Variants in CEP85L observed in about 807,000 individuals in gnomAD.
CEP85L encodes the protein centrosomal protein of 85 kDa-like.
In CEP85L, 60 loss-of-function variants were observed where a neutral mutation model predicts 100.3. The ratio of observed to expected loss-of-function variants is 0.60; its 90% CI spans 0.49 to 0.74. CEP85L has a LOEUF of 0.74. CEP85L is among the 30% of genes least tolerant of loss of function. The pLI is 0.00. For synonymous variants in CEP85L, 319 were observed against 322.7 expected (o/e 0.99, Z 0.12); for missense variants, 973 against 936.2 (o/e 1.04, Z -0.51).
intron 1 of CEP85L, among the ~76,000 whole-genome samples, chr6:118,659,155 G>A (rs1775889360): frequency 6.6e-6 from 1 of 152,102 alleles, no homozygotes; most frequent in African/African-American, 2.4e-5. Context: ...TTACTACAAT[G>A]AAAACACAAA....
intron 6 of CEP85L, among the ~76,000 whole-genome samples, chr6:118,489,295 G>C (rs1377397677): frequency 6.9e-6 from 1 of 145,630 alleles, no homozygotes; most frequent in African/African-American, 2.5e-5. Flanking sequence ...AAAAATGAGA[G>C]ATAAAGATTT....
In CEP85L at chr6:118,479,908, T is replaced by C; in HGVS notation, c.1877A>G (p.Gln626Arg). The C allele has an allele frequency of 6.7e-7, 1 of 1,493,944 alleles. No individual in the cohort carries two copies. Among genetic ancestry groups the C allele is most frequent in the Non-Finnish European group, 9.1e-7 (1 of 1,095,116 alleles). The allele number at this position is 1,493,944 out of a possible 1,614,324, so 92.5% of individuals were successfully genotyped here. A position where few individuals can be genotyped will look rare whatever the true frequency, so the allele number is the denominator to read the frequency against. The change falls in exon 10 of 13, where the codon CAA becomes CGA. Residue 626 changes from glutamine (Q) to arginine (R), a missense_variant. Physicochemically the swap from Gln to Arg is conservative, Grantham distance 43. Around this residue, in one of 3 missense-constraint regions of CEP85L, gnomAD observed 890 missense variants for 844.5 expected, o/e 1.05. Coordinates refer to ENST00000368491, the MANE Select transcript of CEP85L (RefSeq NM_001042475.3). The part of the protein sequence containing the change: ...NETASKIIDS[Q>R]QDEIDRMILE... ...AATCATTCTGTCAATCTCATCTTGT[T>C]GGCTGTCTATTATCTAAAACAAAAT...
intron 1 of CEP85L, among the ~76,000 whole-genome samples, chr6:118,673,435 G>C (rs139246958): frequency 0.01 from 1,552 of 152,294 alleles, 7 homozygotes; most frequent in South Asian, 0.017. Context: ...GCAAATACCA[G>C]TCCCACCAGC....
At chr6:118,573,706 C>G (rs1288028212) in intron 2 of CEP85L, among the ~76,000 whole-genome samples, 1 of 151,918 alleles carries the variant, frequency 6.6e-6, no homozygotes, top group African/African-American at 2.4e-5. Context: ...ATATATTATA[C>G]CATTATAGAT....
At chr6:118,708,476 A>C (rs1452643574) in intron 1 of CEP85L, among the ~76,000 whole-genome samples, 3 of 152,238 alleles carry the variant, frequency 2.0e-5, no homozygotes, top group Non-Finnish European at 4.4e-5. Context: ...GTGTTAATAA[A>C]AGTCACAGGT....
intron 2 of CEP85L, among the ~76,000 whole-genome samples, chr6:118,624,277 T>C (rs1163698009): frequency 6.6e-6 from 1 of 152,152 alleles, no homozygotes; most frequent in Non-Finnish European, 1.5e-5. Context: ...TTCATCATAT[T>C]AAACAGTATA....
At chr6:118,626,369 A>G (rs1433094003) in intron 2 of CEP85L, among the ~76,000 whole-genome samples, 1 of 151,986 alleles carries the variant, frequency 6.6e-6, no homozygotes. Flanking sequence ...TTAACTGCCC[A>G]TTTTTCTGTG....
At chr6:118,657,737 C>A (rs1775845682) in intron 1 of CEP85L, among the ~76,000 whole-genome samples, 1 of 152,110 alleles carries the variant, frequency 6.6e-6, no homozygotes, top group African/African-American at 2.4e-5. Flanking sequence ...CTACTGCCCC[C>A]CAATTAAAAA....
At chr6:118,680,507 A>G (rs1776623631) in intron 1 of CEP85L, among the ~76,000 whole-genome samples, 1 of 152,152 alleles carries the variant, frequency 6.6e-6, no homozygotes, top group South Asian at 2.1e-4. Flanking sequence ...ACTCAGAACT[A>G]GGTGGCAGGT....
chr6:118,626,690 T>A (rs1033703413), intron 2 of CEP85L, among the ~76,000 whole-genome samples: 1 of 152,104 alleles, frequency 6.6e-6, no homozygotes, highest in African/African-American at 2.4e-5. Context: ...TTCACTCTGC[T>A]CAATAAAACC....
intron 2 of CEP85L, among the ~76,000 whole-genome samples, chr6:118,595,463 C>T (rs966851616): frequency 9.2e-5 from 14 of 152,188 alleles, no homozygotes; most frequent in African/African-American, 3.4e-4. Flanking sequence ...AGAATCCCTT[C>T]GCTGCTGAGA....
intron 1 of CEP85L, among the ~76,000 whole-genome samples, chr6:118,688,253 G>A (rs772671336): frequency 7.9e-5 from 12 of 152,052 alleles, no homozygotes; most frequent in Non-Finnish European, 1.3e-4. Context: ...CACATGCCTC[G>A]GTCTCCCAAA....
intron 1 of CEP85L, among the ~76,000 whole-genome samples, chr6:118,682,704 A>G (rs1776705302): frequency 7.0e-6 from 1 of 143,726 alleles, no homozygotes; most frequent in Admixed American, 6.9e-5. Context: ...TTATGCCCTA[A>G]AGCTTCAAAC....
intron 2 of CEP85L, among the ~76,000 whole-genome samples, chr6:118,596,469 G>A (rs949355005): frequency 5.3e-5 from 8 of 151,824 alleles, no homozygotes; most frequent in Non-Finnish European, 1.2e-4. Context: ...GAACAGATAA[G>A]GTAAAGAACA....
At chr6:118,652,842 G>C (rs1227097947), upstream of CEP85L, 10 of 841,646 alleles carry the variant, frequency 1.2e-5, no homozygotes, top group Non-Finnish European at 1.7e-5. Context: ...CATGAAAGAC[G>C]AATGTGATTG....
At chr6:118,601,313 C>A (rs1781776629) in intron 2 of CEP85L, among the ~76,000 whole-genome samples, 1 of 152,178 alleles carries the variant, frequency 6.6e-6, no homozygotes, top group Non-Finnish European at 1.5e-5. Context: ...GCATTTCCCA[C>A]CTTTGCTCAA....
In CEP85L at chr6:118,461,361, CAT is replaced by C. The variant is rs1331796085; in HGVS notation, c.*4042_*4043del. On this transcript the variant is annotated 3_prime_UTR_variant, in exon 13 of 13. Coordinates refer to ENST00000368491, the MANE Select transcript of CEP85L (RefSeq NM_001042475.3). ...AAGACATCTATCTGATAATTCCCCT[CAT>C]GTTTACTAAGGTATCCACCTAGTAA... is the stretch of plus-strand genomic sequence containing the variant. The C allele has an allele frequency of 1.3e-5, 2 of 151,882 alleles. No individual in the cohort carries two copies. The highest frequency in any genetic ancestry group is 2.9e-5 in the Non-Finnish European group (2 of 67,934). The allele number at this position is 151,882 out of a possible 1,614,324, so 9.4% of individuals were successfully genotyped here.
chr6:118,474,109 A>C (rs1440398559), intron 10 of CEP85L, among the ~76,000 whole-genome samples: 1 of 152,196 alleles, frequency 6.6e-6, no homozygotes, highest in Non-Finnish European at 1.5e-5. Flanking sequence ...CCACTCAATG[A>C]AATTGGTGAA....
chr6:118,594,142 T>C (rs1781341630), intron 2 of CEP85L, among the ~76,000 whole-genome samples: 1 of 152,196 alleles, frequency 6.6e-6, no homozygotes, highest in Non-Finnish European at 1.5e-5. Flanking sequence ...AAATGTCTAA[T>C]TCATACCCCC....
Sources: allele counts gnomAD v4.1 joint callset (sites outside exome capture counted in the v4.1 genomes callset), GRCh38; gene constraint gnomAD v4.1.1; regional missense constraint gnomAD v4.1.1; transcripts MANE v1.5; gene names NCBI Gene and HGNC (gene_info 2026-07-23, HGNC 2026-07-21).